The following TMEM132D variants were observed in gnomAD, a reference collection of about 807,000 sequenced individuals.
The protein encoded by TMEM132D is transmembrane protein 132D, also known as mature OL transmembrane protein.
TMEM132D carries 21 observed loss-of-function variants against 62.3 expected under a neutral mutation model. The ratio of observed to expected loss-of-function variants is 0.34; its 90% CI spans 0.24 to 0.49. TMEM132D has a LOEUF of 0.49. Ranked by LOEUF, TMEM132D falls within the 20% of genes least tolerant of loss-of-function variation. The pLI, the probability that TMEM132D is intolerant of heterozygous loss-of-function variation, is 0.99. For missense variants in TMEM132D, 1,346 were observed against 1,402.8 expected (o/e 0.96, Z 0.65); for synonymous variants, 621 against 575.6 (o/e 1.08, Z -1.13).
At chr12:129,214,561 G>A (rs1204195393) in intron 4 of TMEM132D, among the ~76,000 whole-genome samples, 1 of 152,142 alleles carries the variant, frequency 6.6e-6, no homozygotes, top group Non-Finnish European at 1.5e-5. Flanking sequence ...AATGACTATA[G>A]TTTTTGGCTG....
intron 5 of TMEM132D, among the ~76,000 whole-genome samples, chr12:129,104,842 G>A: frequency 7.0e-6 from 1 of 142,486 alleles, no homozygotes; most frequent in Admixed American, 7.0e-5. Flanking sequence ...ACCACAATGA[G>A]ATACCATCTT....
intron 3 of TMEM132D, among the ~76,000 whole-genome samples, chr12:129,457,135 G>C (rs1236329250): frequency 6.6e-6 from 1 of 151,808 alleles, no homozygotes; most frequent in African/African-American, 2.4e-5. Context: ...AAAGACACAT[G>C]CACACGTATG....
chr12:129,699,672 G>T, intron 2 of TMEM132D, 138 bp downstream of exon 2: 2 of 1,034,824 alleles, frequency 1.9e-6, no homozygotes, highest in Admixed American at 2.5e-5. Flanking sequence ...GTATTCCACG[G>T]TGCAGATGGA....
chr12:129,691,907 G>T (rs964373257), intron 2 of TMEM132D, among the ~76,000 whole-genome samples: 9 of 151,812 alleles, frequency 5.9e-5, no homozygotes, highest in Non-Finnish European at 8.8e-5. Context: ...ACTCACACAA[G>T]GAGAAAGAAA....
At chr12:129,477,418 G>A (rs1457566805) in intron 3 of TMEM132D, among the ~76,000 whole-genome samples, 2 of 152,166 alleles carry the variant, frequency 1.3e-5, no homozygotes, top group Non-Finnish European at 2.9e-5. Context: ...CTAGGCATTT[G>A]TTAAAGTGTC....
intron 2 of TMEM132D, among the ~76,000 whole-genome samples, chr12:129,627,579 T>TA (rs1444385216): frequency 2.6e-5 from 4 of 152,230 alleles, no homozygotes; most frequent in African/African-American, 4.8e-5. Flanking sequence ...ACCTTTTTTT[T>TA]AGAGAATAAA....
chr12:129,759,146 C>T (rs568850428), intron 1 of TMEM132D, among the ~76,000 whole-genome samples: 1 of 152,148 alleles, frequency 6.6e-6, no homozygotes, highest in African/African-American at 2.4e-5. Context: ...GTTGGCCAGG[C>T]TGGTCTCAAA....
chr12:129,769,214 C>A (rs1210990280), intron 1 of TMEM132D, among the ~76,000 whole-genome samples: 2 of 152,132 alleles, frequency 1.3e-5, no homozygotes, highest in African/African-American at 4.8e-5. Context: ...TAAAGACATA[C>A]CTGAGACTGG....
chr12:129,208,623 T>C (rs983968498), intron 5 of TMEM132D: 1 of 152,234 alleles, frequency 6.6e-6, no homozygotes, highest in African/African-American at 2.4e-5. Context: ...GGAATTGTCC[T>C]GTGCTCCAGC....
At chr12:129,466,072 C>G (rs549865520) in intron 3 of TMEM132D, among the ~76,000 whole-genome samples, 1 of 152,100 alleles carries the variant, frequency 6.6e-6, no homozygotes, top group Non-Finnish European at 1.5e-5. Context: ...AAGTAAATTG[C>G]GTGGCACATT....
intron 3 of TMEM132D, among the ~76,000 whole-genome samples, chr12:129,527,117 TG>T (rs1379509600): frequency 9.2e-5 from 14 of 152,294 alleles, no homozygotes; most frequent in Admixed American, 7.8e-4. Flanking sequence ...GAGACCAGCT[TG>T]GGCAACGGGG....
chr12:129,532,268 T>C (rs2137090258), intron 2 of TMEM132D, among the ~76,000 whole-genome samples: 1 of 152,090 alleles, frequency 6.6e-6, no homozygotes, highest in South Asian at 2.1e-4. Flanking sequence ...CAGACGAGGA[T>C]GGTGGGAGCG....
chr12:129,734,171 C>G (rs911290793), intron 1 of TMEM132D, among the ~76,000 whole-genome samples: 1 of 152,130 alleles, frequency 6.6e-6, no homozygotes, highest in African/African-American at 2.4e-5. Flanking sequence ...TACTTAATTG[C>G]CTGAATTAGC....
chr12:129,759,452 C>T (rs1338553098), intron 1 of TMEM132D, among the ~76,000 whole-genome samples: 1 of 152,170 alleles, frequency 6.6e-6, no homozygotes, highest in African/African-American at 2.4e-5. Flanking sequence ...GCCTTACTCC[C>T]GTGGCACTAC....
At chr12:129,690,219 A>T (rs1881030578) in intron 2 of TMEM132D, among the ~76,000 whole-genome samples, 1 of 152,228 alleles carries the variant, frequency 6.6e-6, no homozygotes, top group Admixed American at 6.5e-5. Context: ...AAGTAGAATC[A>T]GTACACCAAG....
At chr12:129,202,768 A>G (rs1316812487) in intron 5 of TMEM132D, among the ~76,000 whole-genome samples, 3 of 152,146 alleles carry the variant, frequency 2.0e-5, no homozygotes, top group African/African-American at 7.2e-5. Context: ...TCCCTCTGTC[A>G]GCAGGGCATA....
At chr12:129,761,830 G>A (rs1004089609) in intron 1 of TMEM132D, among the ~76,000 whole-genome samples, 6 of 152,068 alleles carry the variant, frequency 3.9e-5, no homozygotes, top group Admixed American at 1.3e-4. Context: ...CCCCAGAAAT[G>A]AGCCTGCAAG....
intron 2 of TMEM132D, among the ~76,000 whole-genome samples, chr12:129,559,331 C>T (rs1877148999): frequency 6.6e-6 from 1 of 152,178 alleles, no homozygotes; most frequent in African/African-American, 2.4e-5. Flanking sequence ...TATTTACATC[C>T]ATATATCCTT....
chr12:129,298,901 G>A (rs1320650698), intron 4 of TMEM132D, among the ~76,000 whole-genome samples: 16 of 152,158 alleles, frequency 1.1e-4, no homozygotes, highest in African/African-American at 2.4e-4. Flanking sequence ...ATGTGCTGAC[G>A]ATAAACCTCC....
Sources: allele counts gnomAD v4.1 joint callset (sites outside exome capture counted in the v4.1 genomes callset), GRCh38; gene constraint gnomAD v4.1.1; transcripts MANE v1.5; gene names NCBI Gene and HGNC (gene_info 2026-07-23, HGNC 2026-07-21).